UNC13C: variants seen among roughly 807,000 people sequenced by gnomAD.
UNC13C encodes protein unc-13 homolog C.
A neutral mutation model predicts 245.4 loss-of-function variants in UNC13C; 174 were observed. The ratio of observed to expected loss-of-function variants is 0.71; its 90% confidence interval spans 0.63 to 0.80. The LOEUF (loss-of-function observed/expected upper bound fraction) is 0.80. Ranked by LOEUF, UNC13C falls within the 30% of genes least tolerant of loss-of-function variation. The pLI is 0.00. For synonymous variants in UNC13C, 992 were observed against 895.1 expected (o/e 1.11, Z -1.93); for missense variants, 2,829 against 2,602.9 (o/e 1.09, Z -1.89).
intron 4 of UNC13C, among the ~76,000 whole-genome samples, chr15:54,234,693 TTC>T (rs1211012248): frequency 1.3e-5 from 2 of 152,200 alleles, no homozygotes; most frequent in African/African-American, 4.8e-5. Context: ...AATGGTTTGC[TTC>T]TGTTTCCTCC....
the UNC13C span, among the ~76,000 whole-genome samples, chr15:53,946,787 T>G: frequency 6.6e-6 from 1 of 151,680 alleles, no homozygotes; most frequent in Non-Finnish European, 1.5e-5. Context: ...GCTTATGTAA[T>G]GAATCATATT....
intron 2 of UNC13C, among the ~76,000 whole-genome samples, chr15:54,056,198 G>C (rs1329910426): frequency 6.6e-6 from 1 of 152,098 alleles, no homozygotes; most frequent in Non-Finnish European, 1.5e-5. Context: ...TGGCAAAGAA[G>C]TTAAAAACTT....
At chr15:54,410,585 C>G (rs931130107) in intron 18 of UNC13C, among the ~76,000 whole-genome samples, 1 of 152,116 alleles carries the variant, frequency 6.6e-6, no homozygotes, top group East Asian at 1.9e-4. Context: ...ACGTGACTAG[C>G]CAGTTATCCC....
At chr15:54,422,146 A>G (rs1287898067) in intron 19 of UNC13C, among the ~76,000 whole-genome samples, 1 of 151,916 alleles carries the variant, frequency 6.6e-6, no homozygotes, top group Non-Finnish European at 1.5e-5. Flanking sequence ...ATTATCAGAC[A>G]TTATCTTTGA....
In UNC13C at chr15:54,193,747, TAAGAG is replaced by T. The variant is rs377476439; in HGVS notation, c.3072-41280_3072-41276del. On this transcript the variant is annotated intron_variant, in intron 4 of 32. Transcript: ENST00000260323. ...AGACTTGTACTATAAGGCCATCTCT[TAAGAG>T]AAAATCATCTCCCTACAAAGATTTC... Among the ~76,000 whole-genome samples the T allele has an allele frequency of 3.3e-3, 503 of 152,302 alleles. 1 individual carries two copies. The highest frequency in any genetic ancestry group is 0.017 in the Middle Eastern group (5 of 294).
chr15:53,877,817 C>T, the UNC13C span, among the ~76,000 whole-genome samples: 1 of 152,254 alleles, frequency 6.6e-6, no homozygotes, highest in Non-Finnish European at 1.5e-5. Context: ...TTCCTTCATG[C>T]CCCTTTGTAC....
At chr15:54,037,722 C>G (rs1272883049) in intron 2 of UNC13C, among the ~76,000 whole-genome samples, 1 of 152,058 alleles carries the variant, frequency 6.6e-6, no homozygotes, top group African/African-American at 2.4e-5. Flanking sequence ...ATAAATTCTT[C>G]TGTAAGTGAT....
intron 28 of UNC13C, among the ~76,000 whole-genome samples, chr15:54,552,408 TTATATATTA>T (rs1243466595): frequency 2.1e-4 from 1 of 4,768 alleles, no homozygotes; most frequent in African/African-American, 6.1e-4. Context: ...AATTATATAA[TTATATATTA>T]CAATATATAA....
intron 10 of UNC13C, among the ~76,000 whole-genome samples, chr15:54,267,288 A>T (rs1221183611): frequency 6.6e-6 from 1 of 152,092 alleles, no homozygotes; most frequent in African/African-American, 2.4e-5. Context: ...AACAAAACAA[A>T]ACAAAACAAA....
chr15:53,973,600 A>G (rs1436812609), upstream of UNC13C, among the ~76,000 whole-genome samples: 1 of 137,620 alleles, frequency 7.3e-6, no homozygotes, highest in Non-Finnish European at 1.6e-5. Flanking sequence ...AAAAAAATCC[A>G]AAAAGTGGAA....
chr15:54,335,032 T>A (rs904333152), intron 16 of UNC13C, among the ~76,000 whole-genome samples: 4 of 152,178 alleles, frequency 2.6e-5, no homozygotes, highest in Admixed American at 2.6e-4. Flanking sequence ...TCCAATCACA[T>A]ACTCCCACCA....
chr15:54,140,786 A>G (rs1255054301), intron 2 of UNC13C, among the ~76,000 whole-genome samples: 1 of 152,016 alleles, frequency 6.6e-6, no homozygotes, highest in African/African-American at 2.4e-5. Context: ...CATGGATTTT[A>G]TGTTCTTTCA....
At chr15:54,117,186 G>T (rs1366994759) in intron 2 of UNC13C, among the ~76,000 whole-genome samples, 2 of 152,092 alleles carry the variant, frequency 1.3e-5, no homozygotes, top group African/African-American at 4.8e-5. Context: ...TTCCTGGTCA[G>T]ATGGATAGTT....
At chr15:54,192,043 A>G (rs62010020) in intron 4 of UNC13C, among the ~76,000 whole-genome samples, 26,012 of 152,062 alleles carry the variant, frequency 0.17, 2,520 homozygotes, top group South Asian at 0.27. Flanking sequence ...CTTTAGTTTA[A>G]TTAGATCCCA....
intron 2 of UNC13C, among the ~76,000 whole-genome samples, chr15:54,118,903 T>C (rs951423827): frequency 7.8e-6 from 1 of 128,318 alleles, no homozygotes; most frequent in Non-Finnish European, 1.6e-5. Context: ...GATCTTACGG[T>C]TTTTTTTTTT....
chr15:54,234,116 TC>T (rs2035624767), intron 4 of UNC13C, among the ~76,000 whole-genome samples: 1 of 133,520 alleles, frequency 7.5e-6, no homozygotes, highest in Non-Finnish European at 1.6e-5. Flanking sequence ...GGGATTTTTC[TC>T]TTTCTCTCAC....
At chr15:54,203,042 C>CAA (rs1293403441) in intron 4 of UNC13C, among the ~76,000 whole-genome samples, 8 of 151,348 alleles carry the variant, frequency 5.3e-5, no homozygotes, top group African/African-American at 1.9e-4. Context: ...ATAAAAATGG[C>CAA]AAAAATAAAA....
intron 2 of UNC13C, among the ~76,000 whole-genome samples, chr15:54,134,582 C>G (rs573958085): frequency 6.6e-6 from 1 of 151,980 alleles, no homozygotes; most frequent in East Asian, 1.9e-4. Flanking sequence ...TGCAGTGGCG[C>G]GATCTCAGCT....
chr15:54,011,478 A>C (rs1895378079), intron 1 of UNC13C, among the ~76,000 whole-genome samples: 1 of 152,238 alleles, frequency 6.6e-6, no homozygotes. Flanking sequence ...AAATTAGTTT[A>C]AAAATAATTT....
Sources: gnomAD v4.1 joint callset for allele counts (sites outside exome capture counted in the v4.1 genomes callset) on GRCh38, gnomAD v4.1.1 for gene constraint, MANE v1.5 for transcripts, NCBI Gene and HGNC (gene_info 2026-07-23, HGNC 2026-07-21) for gene names.